Variants in GCSAML observed in about 807,000 individuals in gnomAD.
The protein encoded by GCSAML is germinal center associated signaling and motility like, also known as germinal center-associated signaling and motility-like protein.
In GCSAML, 9 loss-of-function variants were observed where a neutral mutation model predicts 13.0. That is an observed-to-expected ratio of 0.69 (90% confidence interval 0.42 to 1.21). The LOEUF is 1.21. Ranked by LOEUF, GCSAML falls within the 50% of genes most tolerant of loss-of-function variation. GCSAML has a pLI of 0.00. For synonymous variants in GCSAML, 37 were observed against 52.9 expected (o/e 0.70, Z 1.31); for missense variants, 143 against 153.4 (o/e 0.93, Z 0.36).
chr1:247,529,648 C>T (rs957223920), intron 2 of GCSAML: 3 of 150,320 alleles, frequency 2.0e-5, no homozygotes, highest in East Asian at 2.0e-4. Flanking sequence ...GTTCATTTTA[C>T]ATATCAACTT....
chr1:247,537,871 T>C lies in GCSAML; in HGVS notation c.-148+10817T>C, dbSNP rs1354551307. 3.9e-5 allele frequency among the ~76,000 whole-genome samples: 6 copies of C among 152,218 alleles called. No homozygotes were observed. In the East Asian group the frequency reaches 9.6e-4, roughly 24 times the overall value. On this transcript the variant is annotated intron_variant, in intron 2 of 5. Transcript: ENST00000366489. ...TGTTTGTCTTTTTGTAAGTGTTCCTTATATACTCTGAATATTATACCCTTA... is the reference window on the plus strand; with the variant it reads ...TGTTTGTCTTTTTGTAAGTGTTCCTCATATACTCTGAATATTATACCCTTA...
At chr1:247,531,576 G>A in intron 2 of GCSAML, 1 of 1,614,022 alleles carries the variant, frequency 6.2e-7, no homozygotes, top group Non-Finnish European at 8.5e-7. Flanking sequence ...TGCCTGCAGA[G>A]CCACAGCAGT....
chr1:247,573,966 T>C (rs1668732375), intron 4 of GCSAML, among the ~76,000 whole-genome samples, 177 bp from the exon 5 acceptor site: 1 of 152,124 alleles, frequency 6.6e-6, no homozygotes, highest in Non-Finnish European at 1.5e-5. Context: ...AAATGGGAGT[T>C]CACTCATGAT....
rs545619408 is a variant in GCSAML at position 247,569,336 on chromosome 1, G to A, written c.168+3377G>A. ...TTGCCCATTCAGTATGATGTTGACTGTAGGTTTGCCATAAATAGCTCTTAT... is the reference window on the plus strand; with the variant it reads ...TTGCCCATTCAGTATGATGTTGACTATAGGTTTGCCATAAATAGCTCTTAT... On this transcript the variant is annotated intron_variant, in intron 4 of 4. Coordinates refer to ENST00000366488, the MANE Select transcript of GCSAML (RefSeq NM_145278.5). 9.2e-4 allele frequency among the ~76,000 whole-genome samples: 140 copies of A among 152,276 alleles called. 2 individuals are homozygous for A. Among genetic ancestry groups the A allele is most frequent in the African/African-American group, 3.2e-3 (133 of 41,542 alleles).
In GCSAML at chr1:247,574,347, C is replaced by G; in HGVS notation, c.373C>G (p.His125Asp). The G allele has an allele frequency of 1.2e-6, 2 of 1,614,048 alleles. No homozygotes were observed. The highest frequency in any genetic ancestry group is 1.7e-6 in the Non-Finnish European group (2 of 1,179,986). The part of the protein sequence containing the change: ...TSVSRPCSCT[H>D]EHDYEVVFPH ...TGTTAGTAGGCCTTGTTCCTGCACCCATGAGCATGATTATGAAGTTGTGTT... is the reference window on the plus strand; with the variant it reads ...TGTTAGTAGGCCTTGTTCCTGCACCGATGAGCATGATTATGAAGTTGTGTT... The change falls in exon 5 of 5, where the codon CAT (histidine) becomes GAT (aspartate). Residue 125 changes from histidine (H) to aspartate (D), a missense_variant. Physicochemically the swap from His to Asp is moderately conservative, Grantham distance 81. Coordinates refer to ENST00000366488, the MANE Select transcript of GCSAML (RefSeq NM_145278.5).
At chr1:247,545,207 C>T (rs1044427015), upstream of GCSAML, among the ~76,000 whole-genome samples, 2 of 152,200 alleles carry the variant, frequency 1.3e-5, no homozygotes, top group Admixed American at 1.3e-4. Context: ...AGCAGGGACT[C>T]GCTGTCAACA....
chr1:247,551,515 AAATGTCT>A (rs1667776282), intron 1 of GCSAML, among the ~76,000 whole-genome samples: 1 of 152,214 alleles, frequency 6.6e-6, no homozygotes, highest in South Asian at 2.1e-4. Context: ...TTTTAGGAAG[AAATGTCT>A]ATGCTCAGTG....
chr1:247,549,040 C>G (rs760648865), upstream of GCSAML: 3 of 1,575,446 alleles, frequency 1.9e-6, no homozygotes, highest in African/African-American at 2.7e-5. Flanking sequence ...CTCTATCATG[C>G]GCAGGCCCCT....
intron 1 of GCSAML, among the ~76,000 whole-genome samples, chr1:247,516,553 G>GT (rs10710175): frequency 9.7e-4 from 132 of 135,978 alleles, no homozygotes; most frequent in African/African-American, 2.1e-3. Context: ...CATGTTGACT[G>GT]TTTTTTTTTT....
chr1:247,553,723 C>T (rs1667856674), intron 1 of GCSAML, among the ~76,000 whole-genome samples: 1 of 152,194 alleles, frequency 6.6e-6, no homozygotes, highest in Admixed American at 6.5e-5. Flanking sequence ...GCCTCAGCCT[C>T]CCAAGGAGCT....
chr1:247,568,524 A>T (rs557570625), intron 4 of GCSAML, among the ~76,000 whole-genome samples: 1 of 152,026 alleles, frequency 6.6e-6, no homozygotes, highest in African/African-American at 2.4e-5. Flanking sequence ...GTTCTGTTCC[A>T]TTGGTCTATA....
At chr1:247,560,540 C>T (rs138634044) in intron 2 of GCSAML, among the ~76,000 whole-genome samples, 29 of 152,222 alleles carry the variant, frequency 1.9e-4, no homozygotes, top group African/African-American at 7.0e-4. Context: ...TTGTTCCCTA[C>T]CCCCACCCCC....
chr1:247,521,492 T>C (rs927820052), intron 1 of GCSAML, among the ~76,000 whole-genome samples: 1 of 152,156 alleles, frequency 6.6e-6, no homozygotes, highest in Non-Finnish European at 1.5e-5. Flanking sequence ...CTGATTCTAC[T>C]GCCTTAGCCT....
chr1:247,547,857 G>T (rs1237050719), upstream of GCSAML, among the ~76,000 whole-genome samples: 14 of 152,206 alleles, frequency 9.2e-5, no homozygotes, highest in Admixed American at 9.2e-4. Context: ...GCTTACATGA[G>T]AAAGTTTGGG....
chr1:247,518,820 C>T (rs902405891), intron 1 of GCSAML, among the ~76,000 whole-genome samples: 4 of 152,160 alleles, frequency 2.6e-5, no homozygotes, highest in South Asian at 2.1e-4. Context: ...GAGAACCCAT[C>T]GCTACCAGAA....
intron 1 of GCSAML, among the ~76,000 whole-genome samples, chr1:247,522,942 C>T (rs1213087243): frequency 6.9e-6 from 1 of 144,706 alleles, no homozygotes; most frequent in Non-Finnish European, 1.5e-5. Flanking sequence ...AAAACCATAA[C>T]GTATAACTTT....
chr1:247,520,526 TCACACA>T (rs10597982), intron 1 of GCSAML, among the ~76,000 whole-genome samples: 5 of 150,300 alleles, frequency 3.3e-5, no homozygotes, highest in Admixed American at 6.6e-5. Context: ...CCCCACCTCT[TCACACA>T]CACACACACA....
chr1:247,532,214 C>T, intron 2 of GCSAML: 1 of 1,614,160 alleles, frequency 6.2e-7, no homozygotes, highest in Non-Finnish European at 8.5e-7. Context: ...TAGAACTGGA[C>T]CACACACCCT....
intron 2 of GCSAML, among the ~76,000 whole-genome samples, chr1:247,539,202 G>A (rs76845140): frequency 0.019 from 2,846 of 152,256 alleles, 90 homozygotes; most frequent in African/African-American, 0.061. Context: ...CAAGGTGTAG[G>A]AAAATGTGAT....
Sources: allele counts gnomAD v4.1 joint callset (sites outside exome capture counted in the v4.1 genomes callset), GRCh38; gene constraint gnomAD v4.1.1; transcripts MANE v1.5; gene names NCBI Gene and HGNC (gene_info 2026-07-23, HGNC 2026-07-21).